The following CSMD1 variants were observed in gnomAD, a reference collection of about 807,000 sequenced individuals.
The protein encoded by CSMD1 is CUB and Sushi multiple domains 1.
CSMD1 carries 213 observed loss-of-function variants against 417.5 expected under a neutral mutation model. The ratio of observed to expected loss-of-function variants is 0.51; its 90% CI spans 0.46 to 0.57. The LOEUF is 0.57. Among genes scored for constraint, CSMD1 ranks in the 20% least tolerant of loss-of-function variants. The pLI is 0.00. For synonymous variants in CSMD1, 2,862 were observed against 1,736.8 expected (o/e 1.65, Z -16.11); for missense variants, 6,923 against 4,529.7 (o/e 1.53, Z -15.17).
At chr8:3,358,757 G>C (rs981470930) in intron 21 of CSMD1, among the ~76,000 whole-genome samples, 2 of 152,052 alleles carry the variant, frequency 1.3e-5, no homozygotes, top group Non-Finnish European at 2.9e-5. Context: ...GTTATACCAA[G>C]GGACACGTGC....
At chr8:3,145,119 G>A (rs1400017846) in intron 40 of CSMD1, among the ~76,000 whole-genome samples, 1 of 152,052 alleles carries the variant, frequency 6.6e-6, no homozygotes, top group Non-Finnish European at 1.5e-5. Flanking sequence ...TATGAACATT[G>A]AATCCATGTG....
At chr8:3,713,514 C>T (rs1465380220) in intron 6 of CSMD1, among the ~76,000 whole-genome samples, 1 of 152,220 alleles carries the variant, frequency 6.6e-6, no homozygotes, top group South Asian at 2.1e-4. Context: ...TCTGCCCCAG[C>T]CCCCACAGCC....
intron 49 of CSMD1, among the ~76,000 whole-genome samples, chr8:3,075,523 T>C (rs1336497245): frequency 1.3e-5 from 2 of 151,882 alleles, no homozygotes; most frequent in Non-Finnish European, 2.9e-5. Context: ...TCAGCTGTTC[T>C]GTCCACCTAG....
Position 3,555,672 on chromosome 8 carries a change from C to G in CSMD1, c.1344+19273G>C, listed in dbSNP as rs187960447. The stretch of plus-strand genomic sequence containing the variant: ...GTACATGTACACTTGAATCTGATAA[C>G]TTAAATGTGAGGGTGCATAAAAATA... On this transcript the variant is annotated intron_variant, in intron 10 of 69. Transcript: ENST00000635120. Among the ~76,000 whole-genome samples the G allele has an allele frequency of 3.7e-3, 559 of 151,182 alleles. 3 individuals carry two copies. The highest frequency in any genetic ancestry group is 0.013 in the African/African-American group (520 of 40,530).
At chr8:4,246,372 C>G (rs906377650) in intron 3 of CSMD1, among the ~76,000 whole-genome samples, 1 of 152,102 alleles carries the variant, frequency 6.6e-6, no homozygotes, top group African/African-American at 2.4e-5. Context: ...AAGAGTAGTT[C>G]TTGATAAAAT....
intron 3 of CSMD1, among the ~76,000 whole-genome samples, chr8:4,399,211 T>A (rs911667852): frequency 6.6e-6 from 1 of 152,178 alleles, no homozygotes; most frequent in Non-Finnish European, 1.5e-5. Flanking sequence ...TACTATGTGT[T>A]TAAATATATG....
At chr8:4,171,476 T>G (rs1335292936) in intron 3 of CSMD1, among the ~76,000 whole-genome samples, 2 of 151,926 alleles carry the variant, frequency 1.3e-5, no homozygotes, top group Non-Finnish European at 2.9e-5. Flanking sequence ...AAGAAATACA[T>G]AAGAACAGAT....
At chr8:3,120,620 G>A (rs150998435) in intron 41 of CSMD1, among the ~76,000 whole-genome samples, 68 of 152,192 alleles carry the variant, frequency 4.5e-4, no homozygotes, top group East Asian at 1.5e-3. Context: ...AGGCCGAAGC[G>A]GGTGGATCAC....
chr8:4,831,973 G>A (rs1270413932), intron 1 of CSMD1, among the ~76,000 whole-genome samples: 1 of 152,158 alleles, frequency 6.6e-6, no homozygotes, highest in Non-Finnish European at 1.5e-5. Context: ...AAAGTGAGGG[G>A]AACTCCAAAT....
chr8:4,362,880 G>C (rs955714869), intron 3 of CSMD1, among the ~76,000 whole-genome samples: 1 of 152,168 alleles, frequency 6.6e-6, no homozygotes, highest in Non-Finnish European at 1.5e-5. Context: ...TGGCTCATCT[G>C]AGTTATAAAA....
intron 1 of CSMD1, among the ~76,000 whole-genome samples, chr8:4,820,071 T>A (rs1799434681): frequency 6.6e-6 from 1 of 152,174 alleles, no homozygotes; most frequent in African/African-American, 2.4e-5. Flanking sequence ...TCCACCTGCC[T>A]TGTACCTCTG....
intron 5 of CSMD1, among the ~76,000 whole-genome samples, chr8:3,859,884 T>A (rs1276961856): frequency 6.6e-6 from 1 of 152,200 alleles, no homozygotes; most frequent in Non-Finnish European, 1.5e-5. Context: ...CTTCAGATGA[T>A]GTTTAACATA....
At chr8:3,900,794 G>A (rs1807697021) in intron 5 of CSMD1, among the ~76,000 whole-genome samples, 1 of 152,196 alleles carries the variant, frequency 6.6e-6, no homozygotes, top group Non-Finnish European at 1.5e-5. Context: ...GGGTGACACA[G>A]CAGCTGGTTG....
At chr8:3,204,387 G>T (rs1173950788) in intron 31 of CSMD1, among the ~76,000 whole-genome samples, 1 of 134,676 alleles carries the variant, frequency 7.4e-6, no homozygotes, top group African/African-American at 2.8e-5. Context: ...GAATACTGCT[G>T]AGCATTTAGG....
At chr8:4,630,468 CA>C (rs1174785118) in intron 2 of CSMD1, among the ~76,000 whole-genome samples, 1 of 151,968 alleles carries the variant, frequency 6.6e-6, no homozygotes, top group Admixed American at 6.6e-5. Context: ...CAAAACAAAA[CA>C]AAAACGAAAA....
chr8:4,644,633 C>T (rs561321630), intron 1 of CSMD1, among the ~76,000 whole-genome samples: 1 of 152,204 alleles, frequency 6.6e-6, no homozygotes, highest in African/African-American at 2.4e-5. Flanking sequence ...GGGCAGGAAC[C>T]TCTGACCTCA....
chr8:3,067,215 C>T (rs1812995355), intron 49 of CSMD1, among the ~76,000 whole-genome samples: 1 of 152,140 alleles, frequency 6.6e-6, no homozygotes, highest in South Asian at 2.1e-4. Flanking sequence ...ATGCGTGAGA[C>T]AGGAGATACC....
chr8:4,096,998 A>C (rs1351328557), intron 3 of CSMD1, among the ~76,000 whole-genome samples: 4 of 152,158 alleles, frequency 2.6e-5, no homozygotes, highest in Non-Finnish European at 4.4e-5. Flanking sequence ...GCAGAGATAA[A>C]ATCTTTGAAA....
intron 2 of CSMD1, among the ~76,000 whole-genome samples, chr8:4,580,882 C>A (rs1184144126): frequency 6.6e-6 from 1 of 152,154 alleles, no homozygotes; most frequent in Non-Finnish European, 1.5e-5. Flanking sequence ...TAATTTATTG[C>A]ATTTTTCCCT....
Sources: allele counts gnomAD v4.1 joint callset (sites outside exome capture counted in the v4.1 genomes callset), GRCh38; gene constraint gnomAD v4.1.1; transcripts MANE v1.5; gene names NCBI Gene and HGNC (gene_info 2026-07-23, HGNC 2026-07-21).